Variants in CDH23 observed in about 807,000 individuals in gnomAD.
CDH23 encodes cadherin-23.
A neutral mutation model predicts 317.1 loss-of-function variants in CDH23; 189 were observed. The observed-to-expected ratio is 0.60, with a 90% confidence interval of 0.53 to 0.67. The LOEUF is 0.67. Among genes scored for constraint, CDH23 ranks in the 30% least tolerant of loss-of-function variants. The pLI is 0.00. For synonymous variants in CDH23, 1,839 were observed against 1,876.8 expected (o/e 0.98, Z 0.52); for missense variants, 4,401 against 4,592.4 (o/e 0.96, Z 1.20).
chr10:71,705,508 G>A (rs1865753352), intron 25 of CDH23, among the ~76,000 whole-genome samples: 1 of 152,162 alleles, frequency 6.6e-6, no homozygotes, highest in African/African-American at 2.4e-5. Flanking sequence ...GAAGGCCAGA[G>A]TTTTTGTTTG....
chr10:71,811,827 C>G, intron 65 of CDH23, 74 bp downstream of exon 65: 1 of 1,573,388 alleles, frequency 6.4e-7, no homozygotes, highest in African/African-American at 1.3e-5. Flanking sequence ...ACCGGAGCCA[C>G]AAGCCTGGCT....
chr10:71,731,603 C>A (rs1003599266), intron 31 of CDH23, among the ~76,000 whole-genome samples: 5 of 152,176 alleles, frequency 3.3e-5, no homozygotes, highest in African/African-American at 1.2e-4. Context: ...CAAGGCTTGG[C>A]CATCTGTGAG....
rs1361922109 is a variant in CDH23, at chr10:71,677,376, G to T, written c.1515-80G>T. The T allele has an allele frequency of 2.8e-5, 32 of 1,144,952 alleles. No individual in the cohort carries two copies. The South Asian group carries it at 4.6e-4, about 17-fold the overall frequency. 70.9% of individuals were successfully genotyped at this position (1,144,952 alleles called of 1,614,324 possible). A position where few individuals can be genotyped will look rare whatever the true frequency, so the allele number is the denominator to read the frequency against. On this transcript the variant is annotated intron_variant, in intron 15 of 69. Transcript: ENST00000224721. ...CTGTTTGTCACTCTGGGCAAGGACA[G>T]GCTGGGAAATGCCGGCCCCATCAAC...
At position 71,456,004 on chromosome 10, in the gene CDH23, G is replaced by A. The variant is rs1257667074; in HGVS notation, c.145+9609G>A. Among the ~76,000 whole-genome samples the A allele has an allele frequency of 4.6e-5, 7 of 152,174 alleles. No homozygotes were observed. In the East Asian group the frequency reaches 1.4e-3, roughly 29 times the overall value. On this transcript the variant is annotated intron_variant, in intron 3 of 69. Transcript: ENST00000224721. ...GGTTTCTGTCCAGGCAGTCACTGGT[G>A]CCTCCAGGCCTGGGCAAGAAGGGGC... is the stretch of plus-strand genomic sequence containing the variant.
intron 9 of CDH23, among the ~76,000 whole-genome samples, chr10:71,595,318 G>A (rs938460103): frequency 2.6e-5 from 4 of 152,038 alleles, no homozygotes; most frequent in Non-Finnish European, 4.4e-5. Flanking sequence ...CCATCTTAGC[G>A]ATCTTTCTGT....
chr10:71,742,208 G>A (rs531802452), intron 38 of CDH23, among the ~76,000 whole-genome samples: 1 of 152,300 alleles, frequency 6.6e-6, no homozygotes, highest in Admixed American at 6.5e-5. Context: ...GGTGGTACAG[G>A]TTGAGCCTCT....
At chr10:71,729,026 A>G (rs971140862) in intron 30 of CDH23, among the ~76,000 whole-genome samples, 10 of 152,042 alleles carry the variant, frequency 6.6e-5, no homozygotes, top group African/African-American at 2.4e-4. Context: ...GTAGAGACAG[A>G]GTCTCACTAT....
intron 6 of CDH23, among the ~76,000 whole-genome samples, chr10:71,519,216 C>T (rs532722412): frequency 2.0e-5 from 3 of 152,290 alleles, no homozygotes; most frequent in South Asian, 4.2e-4. Flanking sequence ...CGGCACTCAC[C>T]GGAACACCTT....
chr10:71,715,809 G>T (rs1002922748), intron 28 of CDH23: 5 of 913,980 alleles, frequency 5.5e-6, no homozygotes, highest in African/African-American at 3.5e-5. Flanking sequence ...AGGAGCTTCG[G>T]GGGGTGAGTG....
chr10:71,587,746 G>A (rs1375010717), intron 9 of CDH23, among the ~76,000 whole-genome samples: 2 of 152,222 alleles, frequency 1.3e-5, no homozygotes, highest in African/African-American at 2.4e-5. Flanking sequence ...CCTCTAAGCA[G>A]CTCAGATTCC....
Position 71,813,273 on chromosome 10 carries a change from TTAC to T in CDH23, c.9664_9666del (p.Tyr3222del). The T allele has an allele frequency of 6.4e-7, 1 of 1,551,614 alleles. No individual in the cohort carries two copies. The highest frequency in any genetic ancestry group is 8.7e-7 in the Non-Finnish European group (1 of 1,146,966). On this transcript the variant is annotated inframe_deletion, in exon 69 of 70. Transcript: ENST00000224721. ...CGCTGCTGAAGGTGGTCCTGGAGGATTACCTGCGGCTCAAAAAGCTCTTTGCAC... is the reference window on the plus strand; with the variant it reads ...CGCTGCTGAAGGTGGTCCTGGAGGATCTGCGGCTCAAAAAGCTCTTTGCAC...
In CDH23 at chr10:71,702,666, G is replaced by A. The variant is rs1865635839; in HGVS notation, c.2705G>A (p.Gly902Asp). The A allele has an allele frequency of 6.2e-7, 1 of 1,613,736 alleles. No homozygotes were observed. Among genetic ancestry groups the A allele is most frequent in the African/African-American group, 1.3e-5 (1 of 74,908 alleles). Residue 902 changes from glycine to aspartate, a missense_variant, in exon 24 of 70, where the codon GGC becomes GAC. By Grantham distance (94) the Gly-to-Asp change is moderately conservative (BLOSUM62 -1). Coordinates refer to ENST00000224721, the MANE Select transcript of CDH23 (RefSeq NM_022124.6). The part of the protein sequence containing the change: ...NLPFVAEVLE[G>D]IPAGVSIYQV... The stretch of plus-strand genomic sequence containing the variant: ...CCTTTTGTGGCCGAGGTGCTTGAAG[G>A]CATCCCGGCGGGGGTCTCCATCTAC...
At chr10:71,775,439 C>T (rs1840796175) in intron 38 of CDH23, among the ~76,000 whole-genome samples, 1 of 152,160 alleles carries the variant, frequency 6.6e-6, no homozygotes, top group South Asian at 2.1e-4. Flanking sequence ...GGCCCAGTTC[C>T]CTCCCCCCTT....
chr10:71,492,657 G>A (rs1467235540), intron 3 of CDH23, among the ~76,000 whole-genome samples: 1 of 152,174 alleles, frequency 6.6e-6, no homozygotes, highest in Non-Finnish European at 1.5e-5. Context: ...TTGTTTAGTA[G>A]ACATTGACCA....
intron 36 of CDH23, 115 bp downstream of exon 36, chr10:71,739,887 T>G (rs1839687307): frequency 8.1e-7 from 1 of 1,227,898 alleles, no homozygotes; most frequent in Non-Finnish European, 1.1e-6. Flanking sequence ...TCAGTGCCCC[T>G]GCTGTCACCA....
intron 6 of CDH23, among the ~76,000 whole-genome samples, chr10:71,517,968 G>A (rs1286715044): frequency 2.0e-5 from 3 of 152,278 alleles, no homozygotes; most frequent in African/African-American, 4.8e-5. Flanking sequence ...CATCGCCTGC[G>A]GCAGCCAGGA....
Position 71,702,143 on chromosome 10 carries a change from T to C in CDH23, c.2519T>C (p.Leu840Pro). ...TGKIRTTHAMLDRENPDPHEA... is the reference protein window; with the variant it reads ...TGKIRTTHAMPDRENPDPHEA... ...AAGATCCGCACCACCCACGCCATGCTGGACCGGGAGAACCCCGACCCCCAT... is the reference window on the plus strand; with the variant it reads ...AAGATCCGCACCACCCACGCCATGCCGGACCGGGAGAACCCCGACCCCCAT... Residue 840 changes from leucine to proline, a missense_variant, in exon 23 of 70, where the codon CTG becomes CCG. Around this residue, in one of 3 missense-constraint regions of CDH23, gnomAD observed 3,068 missense variants for 3,203.3 expected, o/e 0.96. Coordinates refer to ENST00000224721, the MANE Select transcript of CDH23 (RefSeq NM_022124.6). 1 of 1,613,972 alleles carries C rather than the reference T, an allele frequency of 6.2e-7. No homozygotes were observed. Among genetic ancestry groups the C allele is most frequent in the Non-Finnish European group, 8.5e-7 (1 of 1,179,890 alleles).
intron 14 of CDH23, among the ~76,000 whole-genome samples, chr10:71,674,496 C>T (rs547233304): frequency 2.0e-5 from 3 of 152,340 alleles, no homozygotes; most frequent in African/African-American, 7.2e-5. Flanking sequence ...GTTTGCCCAG[C>T]TCTGGGGCAG....
chr10:71,689,913 A>G (rs1444424533), intron 19 of CDH23, among the ~76,000 whole-genome samples: 2 of 152,186 alleles, frequency 1.3e-5, no homozygotes, highest in African/African-American at 4.8e-5. Flanking sequence ...CAGCTTCAGG[A>G]CAAGCTGTTC....
Sources: gnomAD v4.1 joint callset for allele counts (sites outside exome capture counted in the v4.1 genomes callset) on GRCh38, gnomAD v4.1.1 for gene constraint, gnomAD v4.1.1 regional missense constraint, MANE v1.5 for transcripts, NCBI Gene and HGNC (gene_info 2026-07-23, HGNC 2026-07-21) for gene names.